The following MACROD2 variants were observed in gnomAD, a reference collection of about 807,000 sequenced individuals.
The protein encoded by MACROD2 is ADP-ribose glycohydrolase MACROD2.
MACROD2 carries 36 observed loss-of-function variants against 70.4 expected under a neutral mutation model. The ratio of observed to expected loss-of-function variants is 0.51; its 90% CI spans 0.39 to 0.68. The LOEUF (loss-of-function observed/expected upper bound fraction) is 0.68. Among genes scored for constraint, MACROD2 ranks in the 30% least tolerant of loss-of-function variants. MACROD2 has a pLI of 0.00. For synonymous variants in MACROD2, 172 were observed against 178.8 expected (o/e 0.96, Z 0.30); for missense variants, 496 against 538.4 (o/e 0.92, Z 0.78).
intron 8 of MACROD2, among the ~76,000 whole-genome samples, chr20:15,673,954 A>T (rs2050019063): frequency 6.6e-6 from 1 of 152,218 alleles, no homozygotes; most frequent in Admixed American, 6.5e-5. Context: ...TAATTTGAGT[A>T]GCCATATGTG....
chr20:15,207,457 T>TTTC (rs34240884), intron 5 of MACROD2, among the ~76,000 whole-genome samples: 3 of 147,596 alleles, frequency 2.0e-5, no homozygotes, highest in African/African-American at 5.1e-5. Context: ...TTTTTTTTTT[T>TTTC]CAGAGATGGA....
intron 3 of MACROD2, among the ~76,000 whole-genome samples, chr20:14,177,078 T>C (rs1052938861): frequency 2.6e-5 from 4 of 152,164 alleles, no homozygotes; most frequent in African/African-American, 9.6e-5. Flanking sequence ...CTCAACATTA[T>C]TAAGATGTTA....
At chr20:14,144,188 C>T (rs2054914120) in intron 3 of MACROD2, among the ~76,000 whole-genome samples, 1 of 152,004 alleles carries the variant, frequency 6.6e-6, no homozygotes, top group Non-Finnish European at 1.5e-5. Flanking sequence ...CATATAAAGA[C>T]ATATTTTTTT....
At chr20:15,918,553 C>T (rs1234227176) in intron 10 of MACROD2, among the ~76,000 whole-genome samples, 1 of 152,142 alleles carries the variant, frequency 6.6e-6, no homozygotes, top group Non-Finnish European at 1.5e-5. Context: ...ATCATTTAGA[C>T]ACTTCTAGAA....
At chr20:15,537,425 A>T (rs1181814864) in intron 8 of MACROD2, among the ~76,000 whole-genome samples, 6 of 148,066 alleles carry the variant, frequency 4.1e-5, no homozygotes. Flanking sequence ...TTGATTAGTC[A>T]CCAGGGATAG....
intron 5 of MACROD2, among the ~76,000 whole-genome samples, chr20:14,780,766 GGTATTAGTCA>G (rs895090773): frequency 1.3e-5 from 2 of 151,896 alleles, no homozygotes; most frequent in African/African-American, 4.8e-5. Context: ...GAATGAGAGT[GGTATTAGTCA>G]GTCAAAATCT....
chr20:16,029,392 C>T (rs577079422), intron 15 of MACROD2, among the ~76,000 whole-genome samples: 14 of 152,290 alleles, frequency 9.2e-5, no homozygotes, highest in Admixed American at 7.8e-4. Context: ...GAATCAAGAG[C>T]CTCTGAACAC....
intron 17 of MACROD2, among the ~76,000 whole-genome samples, chr20:16,046,203 A>G (rs1164580826): frequency 1.3e-5 from 2 of 152,312 alleles, no homozygotes; most frequent in South Asian, 2.1e-4. Context: ...GTGAAAGAGT[A>G]CATGTCTTAT....
intron 5 of MACROD2, among the ~76,000 whole-genome samples, chr20:14,685,877 A>G (rs2070995991): frequency 2.0e-5 from 3 of 152,222 alleles, no homozygotes; most frequent in Admixed American, 2.0e-4. Context: ...AATACAACCT[A>G]TAGGATACTA....
intron 5 of MACROD2, among the ~76,000 whole-genome samples, chr20:14,873,582 G>T (rs1228267361): frequency 6.6e-6 from 1 of 152,076 alleles, no homozygotes; most frequent in Non-Finnish European, 1.5e-5. Flanking sequence ...TTTATTCAGG[G>T]CCGGGTGCAA....
intron 5 of MACROD2, among the ~76,000 whole-genome samples, chr20:14,951,352 A>C (rs1321312823): frequency 1.3e-5 from 2 of 152,128 alleles, no homozygotes; most frequent in African/African-American, 4.8e-5. Flanking sequence ...AGTACACAGC[A>C]AGACTTGTGT....
intron 9 of MACROD2, among the ~76,000 whole-genome samples, chr20:15,866,828 T>C (rs184833159): frequency 1.3e-5 from 2 of 152,288 alleles, no homozygotes; most frequent in East Asian, 3.9e-4. Context: ...ATTCACATTA[T>C]AGAGGTATTG....
At chr20:15,962,714 A>G (rs1242526281) in intron 12 of MACROD2, among the ~76,000 whole-genome samples, 1 of 152,140 alleles carries the variant, frequency 6.6e-6, no homozygotes, top group African/African-American at 2.4e-5. Context: ...CCTGAATTCC[A>G]TATCTCTGGG....
intron 4 of MACROD2, among the ~76,000 whole-genome samples, chr20:14,543,732 T>C (rs546766161): frequency 1.6e-4 from 25 of 152,302 alleles, no homozygotes; most frequent in African/African-American, 5.8e-4. Context: ...AATTTTAAGA[T>C]AGTATTATAT....
At chr20:14,689,207 C>A (rs2071035519) in intron 5 of MACROD2, among the ~76,000 whole-genome samples, 1 of 152,194 alleles carries the variant, frequency 6.6e-6, no homozygotes, top group Non-Finnish European at 1.5e-5. Context: ...AATGTAACAT[C>A]AGGTGTCACC....
At chr20:15,058,907 C>T (rs1299254436) in intron 5 of MACROD2, among the ~76,000 whole-genome samples, 1 of 152,182 alleles carries the variant, frequency 6.6e-6, no homozygotes, top group Non-Finnish European at 1.5e-5. Context: ...GGAAGTGACC[C>T]TTTCTACATG....
intron 8 of MACROD2, among the ~76,000 whole-genome samples, chr20:15,804,489 A>G (rs530431084): frequency 6.6e-6 from 1 of 152,202 alleles, no homozygotes; most frequent in African/African-American, 2.4e-5. Context: ...ATAACATTTT[A>G]TAGTACATTT....
chr20:14,028,011 A>T (rs2053195984), intron 2 of MACROD2, among the ~76,000 whole-genome samples: 1 of 152,192 alleles, frequency 6.6e-6, no homozygotes, highest in Admixed American at 6.5e-5. Flanking sequence ...AGCTGCGCTC[A>T]CAGCCGCCCC....
At chr20:15,317,892 C>G (rs1373893551) in intron 6 of MACROD2, among the ~76,000 whole-genome samples, 1 of 152,030 alleles carries the variant, frequency 6.6e-6, no homozygotes, top group East Asian at 1.9e-4. Flanking sequence ...GACACTGTTA[C>G]AAAAACACCC....
Sources: allele counts gnomAD v4.1 joint callset (sites outside exome capture counted in the v4.1 genomes callset), GRCh38; gene constraint gnomAD v4.1.1; transcripts MANE v1.5; gene names NCBI Gene and HGNC (gene_info 2026-07-23, HGNC 2026-07-21).